The following PDE7B variants were observed in gnomAD, a reference collection of about 807,000 sequenced individuals.
PDE7B encodes phosphodiesterase 7B.
A neutral mutation model predicts 56.2 loss-of-function variants in PDE7B; 29 were observed. The observed-to-expected ratio is 0.52, with a 90% CI of 0.38 to 0.70. PDE7B has a LOEUF of 0.70. Among genes scored for constraint, PDE7B ranks in the 30% least tolerant of loss-of-function variants. The probability of loss-of-function intolerance (pLI) is 0.00; values close to 1 mark genes in which losing one functional copy is unlikely to be tolerated. For synonymous variants in PDE7B, 197 were observed against 196.9 expected (o/e 1.00, Z 0.00); for missense variants, 490 against 565.0 (o/e 0.87, Z 1.35).
chr6:135,903,617 C>CT (rs1283137865), intron 1 of PDE7B, among the ~76,000 whole-genome samples: 1 of 152,154 alleles, frequency 6.6e-6, no homozygotes, highest in Non-Finnish European at 1.5e-5. Context: ...GAAGGACTGC[C>CT]TTCAAGTTCA....
At chr6:135,984,348 T>A (rs1442904542) in intron 2 of PDE7B, among the ~76,000 whole-genome samples, 1 of 152,214 alleles carries the variant, frequency 6.6e-6, no homozygotes, top group Non-Finnish European at 1.5e-5. Context: ...GGCAATAGCA[T>A]GCATCCAGGC....
chr6:135,866,645 G>A (rs1156978950), intron 1 of PDE7B, among the ~76,000 whole-genome samples: 6 of 152,266 alleles, frequency 3.9e-5, no homozygotes, highest in African/African-American at 1.4e-4. Context: ...ATAGAAGTTA[G>A]TGTTTTCTTG....
intron 1 of PDE7B, among the ~76,000 whole-genome samples, chr6:135,913,132 A>T (rs1562436572): frequency 6.6e-6 from 1 of 152,216 alleles, no homozygotes; most frequent in Non-Finnish European, 1.5e-5. Context: ...TCACATAATT[A>T]TCTTTTTAAT....
rs1162817090 is a variant in PDE7B at position 135,948,888 on chromosome 6, TAGATAGATAGACAGAC to T, written c.82+1368_82+1383del. ...ATAGATAGATAGATAGATAGATAGA[TAGATAGATAGACAGAC>T]AGACAGACAGACAGACAGACAGACA... On this transcript the variant is annotated intron_variant, in intron 2 of 12. Transcript: ENST00000308191. 1.8e-3 allele frequency among the ~76,000 whole-genome samples: 126 copies of T among 69,492 alleles called. 1 individual carries two copies. Among genetic ancestry groups the T allele is most frequent in the African/African-American group, 6.5e-3 (102 of 15,714 alleles). The allele number at this position is 69,492 out of a possible 152,430, so 45.6% of individuals were successfully genotyped here.
chr6:136,123,043 T>C (rs1274853785), intron 3 of PDE7B, among the ~76,000 whole-genome samples: 5 of 152,222 alleles, frequency 3.3e-5, no homozygotes, highest in Non-Finnish European at 7.3e-5. Flanking sequence ...CAGTGGAAAG[T>C]GAACAAAGTT....
chr6:135,940,257 A>T (rs1449199949), intron 1 of PDE7B, among the ~76,000 whole-genome samples: 1 of 152,072 alleles, frequency 6.6e-6, no homozygotes, highest in Non-Finnish European at 1.5e-5. Flanking sequence ...TATGCTCCAG[A>T]CTCAGGCCTG....
chr6:135,972,256 A>C (rs1276230467), intron 2 of PDE7B, among the ~76,000 whole-genome samples: 1 of 150,748 alleles, frequency 6.6e-6, no homozygotes, highest in East Asian at 1.9e-4. Context: ...AAAAAAAAAA[A>C]AAAAACCCAA....
At chr6:136,150,865 G>GTGTGTGTGTGTGTA (rs1423760798) in intron 5 of PDE7B, among the ~76,000 whole-genome samples, 1 of 151,992 alleles carries the variant, frequency 6.6e-6, no homozygotes, top group East Asian at 1.9e-4. Context: ...ATGTGTGTGT[G>GTGTGTGTGTGTGTA]TGTGTATGTG....
intron 1 of PDE7B, among the ~76,000 whole-genome samples, chr6:135,899,032 G>T (rs749477811): frequency 3.3e-5 from 5 of 152,094 alleles, no homozygotes; most frequent in Admixed American, 2.0e-4. Context: ...TCATGGTAGT[G>T]AATAAGTCTC....
intron 2 of PDE7B, chr6:136,037,337 G>A (rs565441020): frequency 3.3e-4 from 261 of 784,290 alleles, no homozygotes; most frequent in Admixed American, 1.8e-3. Context: ...ACTGTGGAAT[G>A]TGATTCAATG....
intron 1 of PDE7B, among the ~76,000 whole-genome samples, chr6:135,894,851 C>T (rs890682161): frequency 2.6e-5 from 4 of 151,918 alleles, no homozygotes; most frequent in South Asian, 2.1e-4. Flanking sequence ...ATTTCTACTC[C>T]GTGAAATAAA....
intron 1 of PDE7B, among the ~76,000 whole-genome samples, chr6:135,935,141 A>C (rs1774389630): frequency 1.1e-5 from 1 of 93,562 alleles, no homozygotes; most frequent in South Asian, 3.5e-4. Context: ...GTATATATTT[A>C]TATATAAATA....
intron 2 of PDE7B, among the ~76,000 whole-genome samples, chr6:136,077,809 T>C (rs1777147578): frequency 6.6e-6 from 1 of 152,210 alleles, no homozygotes; most frequent in Non-Finnish European, 1.5e-5. Flanking sequence ...GTTTCTTTTG[T>C]TGTTTATGGA....
At chr6:135,905,782 A>G (rs1776089157) in intron 1 of PDE7B, among the ~76,000 whole-genome samples, 1 of 152,162 alleles carries the variant, frequency 6.6e-6, no homozygotes, top group South Asian at 2.1e-4. Flanking sequence ...CGCAAAAGCC[A>G]GCATGAATCC....
At chr6:135,935,190 T>TTA (rs60829896) in intron 1 of PDE7B, among the ~76,000 whole-genome samples, 861 of 36,162 alleles carry the variant, frequency 0.024, 109 homozygotes, top group South Asian at 0.037. Flanking sequence ...ATATATTTAT[T>TTA]TATATATATA....
chr6:135,913,459 G>A (rs964360833), intron 1 of PDE7B, among the ~76,000 whole-genome samples: 4 of 152,158 alleles, frequency 2.6e-5, no homozygotes, highest in Middle Eastern at 3.4e-3. Context: ...GGAATCCAGC[G>A]TCCACTACTG....
intron 2 of PDE7B, chr6:136,064,380 C>A (rs578118167): frequency 2.6e-5 from 4 of 152,300 alleles, no homozygotes; most frequent in East Asian, 1.9e-4. Flanking sequence ...AAGCTACCCA[C>A]CTGCTTCTCT....
intron 1 of PDE7B, among the ~76,000 whole-genome samples, chr6:135,878,657 G>C (rs1775546192): frequency 6.6e-6 from 1 of 152,086 alleles, no homozygotes; most frequent in African/African-American, 2.4e-5. Flanking sequence ...AACTTTAACT[G>C]ATATTTGTGA....
intron 9 of PDE7B, among the ~76,000 whole-genome samples, chr6:136,176,212 A>G (rs2128450596): frequency 6.6e-6 from 1 of 152,112 alleles, no homozygotes; most frequent in Middle Eastern, 3.4e-3. Flanking sequence ...TATTACTTGA[A>G]GTTTTTAGTT....
Sources: allele counts gnomAD v4.1 joint callset (sites outside exome capture counted in the v4.1 genomes callset), GRCh38; gene constraint gnomAD v4.1.1; transcripts MANE v1.5; gene names NCBI Gene and HGNC (gene_info 2026-07-23, HGNC 2026-07-21).